Variants in L3MBTL4 observed in about 807,000 individuals in gnomAD.
L3MBTL4 encodes the protein lethal(3)malignant brain tumor-like protein 4.
In L3MBTL4, 70 loss-of-function variants were observed where a neutral mutation model predicts 84.5. The ratio of observed to expected loss-of-function variants is 0.83; its 90% CI spans 0.68 to 1.01. L3MBTL4 has a LOEUF of 1.01. L3MBTL4 is among the 50% of genes least tolerant of loss of function. The probability of loss-of-function intolerance (pLI) is 0.00; values close to 1 mark genes in which losing one functional copy is unlikely to be tolerated. For missense variants in L3MBTL4, 715 were observed against 754.8 expected, an observed-to-expected ratio of 0.95 and a Z score of 0.62; for synonymous variants, 274 against 259.8, an observed-to-expected ratio of 1.05 and a Z score of -0.52.
At chr18:6,246,948 A>G (rs948663444) in intron 5 of L3MBTL4, among the ~76,000 whole-genome samples, 6 of 152,174 alleles carry the variant, frequency 3.9e-5, no homozygotes, top group South Asian at 2.1e-4. Context: ...AGTTGCAACA[A>G]CAAGACAGTG....
At chr18:6,077,961 G>A (rs142532243) in intron 16 of L3MBTL4, among the ~76,000 whole-genome samples, 242 of 152,222 alleles carry the variant, frequency 1.6e-3, no homozygotes, top group African/African-American at 5.6e-3. Flanking sequence ...CCCTGAAGCA[G>A]AGGTTACAGT....
chr18:6,188,329 T>C (rs1227752191), intron 12 of L3MBTL4, among the ~76,000 whole-genome samples: 1 of 150,424 alleles, frequency 6.6e-6, no homozygotes, highest in African/African-American at 2.4e-5. Context: ...ATAATTAATA[T>C]TAAAAGTGTA....
chr18:6,381,043 GT>G (rs2054575775), intron 1 of L3MBTL4, among the ~76,000 whole-genome samples: 1 of 152,182 alleles, frequency 6.6e-6, no homozygotes, highest in Admixed American at 6.5e-5. Context: ...AGCTCTTCTT[GT>G]TGCATTGATC....
intron 1 of L3MBTL4, among the ~76,000 whole-genome samples, chr18:6,410,939 G>A (rs1183274953): frequency 2.0e-5 from 3 of 152,144 alleles, no homozygotes; most frequent in Non-Finnish European, 2.9e-5. Flanking sequence ...CCATTACGGC[G>A]ACATCATCCC....
At chr18:6,114,515 A>G (rs1280874071) in intron 14 of L3MBTL4, among the ~76,000 whole-genome samples, 3 of 152,180 alleles carry the variant, frequency 2.0e-5, no homozygotes, top group Non-Finnish European at 4.4e-5. Flanking sequence ...GATAGTATGT[A>G]TACTCCCTTT....
intron 13 of L3MBTL4, among the ~76,000 whole-genome samples, chr18:6,158,553 C>T (rs1034389059): frequency 3.9e-5 from 6 of 152,304 alleles, no homozygotes; most frequent in African/African-American, 1.4e-4. Flanking sequence ...TGTGCACACT[C>T]CTCTCTTCTG....
intron 14 of L3MBTL4, among the ~76,000 whole-genome samples, chr18:6,123,371 C>T (rs984227686): frequency 6.6e-6 from 1 of 152,130 alleles, no homozygotes; most frequent in African/African-American, 2.4e-5. Context: ...CCACAATCCC[C>T]ACGTATCATG....
At chr18:6,036,103 T>C (rs955586341) in intron 16 of L3MBTL4, among the ~76,000 whole-genome samples, 1 of 152,224 alleles carries the variant, frequency 6.6e-6, no homozygotes, top group South Asian at 2.1e-4. Flanking sequence ...GTGATGCCTC[T>C]TTCTTGCTGC....
chr18:6,379,645 C>T (rs576321705), intron 1 of L3MBTL4, among the ~76,000 whole-genome samples: 6 of 152,124 alleles, frequency 3.9e-5, no homozygotes, highest in South Asian at 2.1e-4. Context: ...GTTGAACCAG[C>T]CTTGCATCCC....
At chr18:6,261,841 G>A (rs1161116452) in intron 5 of L3MBTL4, among the ~76,000 whole-genome samples, 2 of 152,174 alleles carry the variant, frequency 1.3e-5, no homozygotes, top group African/African-American at 4.8e-5. Context: ...GCTGAGATGT[G>A]GGGCAACACA....
At chr18:6,018,614 G>A (rs1485877426) in intron 16 of L3MBTL4, among the ~76,000 whole-genome samples, 1 of 152,156 alleles carries the variant, frequency 6.6e-6, no homozygotes, top group Non-Finnish European at 1.5e-5. Flanking sequence ...CTAAAACAGG[G>A]AAAGACCTAC....
rs1396439471 is a variant in L3MBTL4, at chr18:6,414,692, G to T, written c.-91+109C>A. ...CGGCCCGGCCCTCGCCGCGGGAGTC[G>T]TGCAGGCCCCTCTACCTGCCCGGGG... On this transcript the variant is annotated intron_variant, in intron 1 of 18. Transcript: ENST00000317931. The surrounding 1 kb of genome is among the most constrained non-coding windows in gnomAD (Gnocchi z 5.4). 6.6e-6 allele frequency: 1 copy of T among 152,020 alleles called. No individual in the cohort carries two copies. The highest frequency in any genetic ancestry group is 1.5e-5 in the Non-Finnish European group (1 of 68,058). 9.4% of individuals were successfully genotyped at this position (152,020 alleles called of 1,614,324 possible).
chr18:6,397,941 C>T (rs1203532217), intron 1 of L3MBTL4: 1 of 152,172 alleles, frequency 6.6e-6, no homozygotes, highest in African/African-American at 2.4e-5. Context: ...TGTGTCCATT[C>T]ACTAAACATT....
intron 16 of L3MBTL4, among the ~76,000 whole-genome samples, chr18:6,061,298 T>C (rs1356990277): frequency 6.6e-6 from 1 of 152,132 alleles, no homozygotes; most frequent in Non-Finnish European, 1.5e-5. Flanking sequence ...TGTCTGCTGA[T>C]ATGTCTGTTC....
intron 16 of L3MBTL4, among the ~76,000 whole-genome samples, chr18:6,002,681 G>T (rs964596758): frequency 6.6e-6 from 1 of 151,848 alleles, no homozygotes; most frequent in South Asian, 2.1e-4. Flanking sequence ...AAGAAAATAA[G>T]TACAGAGTAT....
chr18:6,163,263 G>T lies in L3MBTL4; in HGVS notation c.1096+8565C>A, dbSNP rs991044391. ...TTGTCTACGGGTGTGTGTGTGTGGG[G>T]GGGGGGTGGGTGTGTGTGTGTGTGT... On this transcript the variant is annotated intron_variant, in intron 13 of 18. Transcript: ENST00000317931. 3.7e-3 allele frequency among the ~76,000 whole-genome samples: 388 copies of T among 105,594 alleles called. 2 individuals carry two copies. Among genetic ancestry groups the T allele is most frequent in the South Asian group, 0.011 (31 of 2,748 alleles). The allele number at this position is 105,594 out of a possible 152,430, so 69.3% of individuals were successfully genotyped here. A position where few individuals can be genotyped will look rare whatever the true frequency, so the allele number is the denominator to read the frequency against.
At chr18:6,245,072 T>C (rs2047602973) in intron 5 of L3MBTL4, among the ~76,000 whole-genome samples, 1 of 152,148 alleles carries the variant, frequency 6.6e-6, no homozygotes, top group Non-Finnish European at 1.5e-5. Flanking sequence ...AGCTAATTTT[T>C]GCAGTTTTAG....
At chr18:6,029,326 G>A in intron 16 of L3MBTL4, 1 of 440,130 alleles carries the variant, frequency 2.3e-6, no homozygotes, top group Non-Finnish European at 3.0e-6. Context: ...AAGTAATTAA[G>A]ATATTTCAGT....
chr18:6,239,754 A>G lies in L3MBTL4; in HGVS notation c.671T>C (p.Val224Ala). ...IADIVEDRLLVHFDNWDDSYD... is the reference protein window; with the variant it reads ...IADIVEDRLLAHFDNWDDSYD... Reference sequence around the variant, plus strand: ...ACTATCATCCCAGTTGTCAAAATGCACTAGTAAGCGATCTTCAACAATATC... The same window carrying G: ...ACTATCATCCCAGTTGTCAAAATGCGCTAGTAAGCGATCTTCAACAATATC... The change falls in exon 9 of 19, where the codon GTG becomes GCG. Residue 224 changes from valine (V) to alanine (A), a missense_variant. By Grantham distance (64) the Val-to-Ala change is moderately conservative (BLOSUM62 0). Transcript: ENST00000317931. 1 of 1,614,148 alleles carries G rather than the reference A, an allele frequency of 6.2e-7. No individual in the cohort carries two copies. Among genetic ancestry groups the G allele is most frequent in the Non-Finnish European group, 8.5e-7 (1 of 1,180,030 alleles).
Sources: gnomAD v4.1 joint callset for allele counts (sites outside exome capture counted in the v4.1 genomes callset) on GRCh38, gnomAD v4.1.1 for gene constraint, Gnocchi (gnomAD v3.1) non-coding constraint, MANE v1.5 for transcripts, NCBI Gene and HGNC (gene_info 2026-07-23, HGNC 2026-07-21) for gene names.